The following GPR160 variants were observed in gnomAD, a reference collection of about 807,000 sequenced individuals.
The protein encoded by GPR160 is G protein-coupled receptor 160.
GPR160 carries 2 observed loss-of-function variants against 2.6 expected under a neutral mutation model. The ratio of observed to expected loss-of-function variants is 0.77; its 90% confidence interval spans 0.32 to 2.44. The LOEUF (loss-of-function observed/expected upper bound fraction) is 2.44, where lower values mean the gene tolerates loss of function less well. Among genes scored for constraint, GPR160 ranks in the 30% most tolerant of loss-of-function variants. The pLI is 0.11. For synonymous variants in GPR160, 130 were observed against 132.2 expected (o/e 0.98, Z 0.12); for missense variants, 351 against 383.6 (o/e 0.91, Z 0.71).
intron 2 of GPR160, among the ~76,000 whole-genome samples, chr3:170,055,032 G>A (rs922015587): frequency 6.6e-6 from 1 of 152,166 alleles, no homozygotes; most frequent in Non-Finnish European, 1.5e-5. Flanking sequence ...GACCACAGGT[G>A]ACCCATCTGC....
chr3:170,052,170 C>T (rs1018240055), intron 2 of GPR160, among the ~76,000 whole-genome samples: 1 of 151,982 alleles, frequency 6.6e-6, no homozygotes, highest in African/African-American at 2.4e-5. Flanking sequence ...AAGTGATCCG[C>T]CCACCTTGGC....
rs534607746 is a variant in GPR160 at position 170,072,364 on chromosome 3, C to T, written c.-192-7410C>T. Among the ~76,000 whole-genome samples, 19 of 152,164 alleles carry T rather than the reference C, an allele frequency of 1.2e-4. No individual in the cohort carries two copies. In the South Asian group the frequency reaches 3.5e-3, roughly 28 times the overall value. On this transcript the variant is annotated intron_variant, in intron 2 of 3. Transcript: ENST00000355897. ...TGCTGGGATTCCAGGCATGAACCAC[C>T]GTGCCCGGCCTCTACTGACAACTGA...
chr3:170,075,176 C>T (rs145300334), intron 2 of GPR160, among the ~76,000 whole-genome samples: 2,108 of 152,192 alleles, frequency 0.014, 60 homozygotes, highest in African/African-American at 0.048. Context: ...TACAGTGAGG[C>T]GAGTTTGTGC....
At position 170,085,316 on chromosome 3, in the gene GPR160, T is replaced by C. The variant is rs1255520465; in HGVS notation, c.*327T>C. The stretch of plus-strand genomic sequence containing the variant: ...AAAAAAACTACTGGATGCAAACTGT[T>C]ATGTAAATCTGAGATTTCACTGACA... On this transcript the variant is annotated 3_prime_UTR_variant, in exon 4 of 4. Coordinates refer to ENST00000355897, the MANE Select transcript of GPR160 (RefSeq NM_014373.3). The C allele has an allele frequency of 1.1e-5, 2 of 179,510 alleles. No homozygotes were observed. Among genetic ancestry groups the C allele is most frequent in the Non-Finnish European group, 2.6e-5 (2 of 76,754 alleles). The allele number at this position is 179,510 out of a possible 1,614,324, so 11.1% of individuals were successfully genotyped here.
intron 2 of GPR160, among the ~76,000 whole-genome samples, chr3:170,068,598 C>G (rs1375770735): frequency 2.6e-5 from 4 of 152,130 alleles, no homozygotes; most frequent in African/African-American, 9.7e-5. Flanking sequence ...GGAAATTTCC[C>G]AAACATTATT....
rs954201477 is a variant in GPR160, at chr3:170,043,672, G to A, written c.-193+4629G>A. ...CACACTACCTTTAGCAGGAAGCAGA[G>A]CAATACGCCCAAGAATTGGGTAGTC... On this transcript the variant is annotated intron_variant, in intron 2 of 3. Coordinates refer to ENST00000355897, the MANE Select transcript of GPR160 (RefSeq NM_014373.3). 3.9e-5 allele frequency among the ~76,000 whole-genome samples: 6 copies of A among 152,184 alleles called. No homozygotes were observed. The East Asian group carries it at 5.8e-4, about 15-fold the overall frequency.
At chr3:170,046,392 C>T (rs553660045) in intron 2 of GPR160, among the ~76,000 whole-genome samples, 1 of 152,162 alleles carries the variant, frequency 6.6e-6, no homozygotes, top group African/African-American at 2.4e-5. Context: ...CAAACTCCAA[C>T]CCCTTATGAG....
Position 170,084,122 on chromosome 3 carries a change from C to T in GPR160, c.150C>T (p.Thr50=), listed in dbSNP as rs1321652119. 1 of 1,593,514 alleles carries T rather than the reference C, an allele frequency of 6.3e-7. No homozygotes were observed. Among genetic ancestry groups the T allele is most frequent in the Admixed American group, 1.8e-5 (1 of 55,806 alleles). Residue 50 remains threonine, a synonymous_variant, in exon 4 of 4, where the codon ACC becomes ACT. Transcript: ENST00000355897. ...ILTLGMRRKN[T]CQNFMEYFCI... ...CACTAGGAATGAGAAGAAAAAACAC[C>T]TGTCAAAATTTTATGGAATATTTTT...
intron 2 of GPR160, among the ~76,000 whole-genome samples, chr3:170,043,092 A>G (rs1206634338): frequency 6.6e-6 from 1 of 152,068 alleles, no homozygotes; most frequent in Non-Finnish European, 1.5e-5. Context: ...CATGTTAGCC[A>G]GGATGGTCTC....
rs910380308 is a variant in GPR160, at chr3:170,062,481, G to A, written c.-192-17293G>A. 1.2e-5 allele frequency: 7 copies of A among 592,368 alleles called. No homozygotes were observed. In the African/African-American group the frequency reaches 1.3e-4, roughly 11 times the overall value. The allele number at this position is 592,368 out of a possible 1,614,324, so 36.7% of individuals were successfully genotyped here. A position where few individuals can be genotyped will look rare whatever the true frequency, so the allele number is the denominator to read the frequency against. ...CACGTCACGAAGTCAAATGCCAGGG[G>A]AAACCATTAGCTGGAATCCACAGGA... On this transcript the variant is annotated intron_variant, in intron 2 of 3. Transcript: ENST00000355897.
Position 170,073,002 on chromosome 3 carries a change from C to T in GPR160, c.-192-6772C>T, listed in dbSNP as rs566704228. 1.4e-4 allele frequency among the ~76,000 whole-genome samples: 21 copies of T among 152,070 alleles called. No homozygotes were observed. The Middle Eastern group carries it at 0.014, about 99-fold the overall frequency. ...TTTGAGACCAACCTGGACAACGAAA[C>T]GAGACCCCATCTCTACAAATAAAAA... On this transcript the variant is annotated intron_variant, in intron 2 of 3. Transcript: ENST00000355897.
intron 2 of GPR160, among the ~76,000 whole-genome samples, chr3:170,066,130 C>CTTT (rs768660597): frequency 2.6e-4 from 22 of 85,208 alleles, no homozygotes; most frequent in African/African-American, 4.6e-4. Flanking sequence ...TTTTCTTTTT[C>CTTT]TTTTTTTTTT....
Position 170,041,683 on chromosome 3 carries a change from G to T in GPR160, c.-193+2640G>T, listed in dbSNP as rs78295928. On this transcript the variant is annotated intron_variant, in intron 2 of 3. Transcript: ENST00000355897. The stretch of plus-strand genomic sequence containing the variant: ...CAACCAACAAAAATCCCCTTACAGT[G>T]GGGGGAGATACCACAGTGAATTCAT... Among the ~76,000 whole-genome samples the T allele has an allele frequency of 4.5e-3, 678 of 152,300 alleles. 5 individuals carry two copies. Among genetic ancestry groups the T allele is most frequent in the African/African-American group, 0.016 (653 of 41,558 alleles).
intron 2 of GPR160, among the ~76,000 whole-genome samples, chr3:170,058,840 A>G (rs1479351515): frequency 6.6e-6 from 1 of 152,242 alleles, no homozygotes; most frequent in Admixed American, 6.5e-5. Flanking sequence ...AAGCTATAGT[A>G]TATCTACATA....
chr3:170,078,886 G>A (rs766450888), intron 2 of GPR160, among the ~76,000 whole-genome samples: 16 of 152,086 alleles, frequency 1.1e-4, no homozygotes, highest in Non-Finnish European at 2.4e-4. Context: ...AGGCCTTCTG[G>A]AAGGCCGGAA....
In GPR160 at chr3:170,084,937, C is replaced by A. The variant is rs1559996251; in HGVS notation, c.965C>A (p.Thr322Lys). 2 of 1,596,462 alleles carry A rather than the reference C, an allele frequency of 1.3e-6. No homozygotes were observed. Among genetic ancestry groups the A allele is most frequent in the Non-Finnish European group, 8.5e-7 (1 of 1,170,196 alleles). Residue 322 changes from threonine (T) to lysine (K), a missense_variant, in exon 4 of 4, where the codon ACA becomes AAA. Coordinates refer to ENST00000355897, the MANE Select transcript of GPR160 (RefSeq NM_014373.3). ...TGGAAGTGCTGCTTCATTCCACTTA[C>A]AATTCCTAATCTTGAGCAAATTGAA... ...VNWKCCFIPLTIPNLEQIEKP... is the reference protein window; with the variant it reads ...VNWKCCFIPLKIPNLEQIEKP...
intron 2 of GPR160, among the ~76,000 whole-genome samples, chr3:170,043,875 C>G (rs998172769): frequency 2.0e-5 from 3 of 151,988 alleles, no homozygotes. Context: ...AACGGCAATA[C>G]TAGAGCAGCT....
rs1192971541 is a variant in GPR160 at position 170,045,575 on chromosome 3, G to A, written c.-193+6532G>A. Among the ~76,000 whole-genome samples, 9 of 151,460 alleles carry A rather than the reference G, an allele frequency of 5.9e-5. No individual in the cohort carries two copies. In the East Asian group the frequency reaches 1.7e-3, roughly 29 times the overall value. On this transcript the variant is annotated intron_variant, in intron 2 of 3. Transcript: ENST00000355897. ...ACTGCACTCTAGCCTGGGCGACAGA[G>A]CAAGATTCTGTCTCAAAAAAAATAA...
intron 2 of GPR160, among the ~76,000 whole-genome samples, chr3:170,069,700 A>G (rs1712500104): frequency 6.6e-6 from 1 of 152,176 alleles, no homozygotes; most frequent in Non-Finnish European, 1.5e-5. Context: ...CCCCCAGCAC[A>G]CACACTGCAT....
Sources: gnomAD v4.1 joint callset for allele counts (sites outside exome capture counted in the v4.1 genomes callset) on GRCh38, gnomAD v4.1.1 for gene constraint, MANE v1.5 for transcripts, NCBI Gene and HGNC (gene_info 2026-07-23, HGNC 2026-07-21) for gene names.